The following KCNMA1 variants were observed in gnomAD, a reference collection of about 807,000 sequenced individuals.
KCNMA1 encodes Calcium-activated potassium channel subunit alpha-1.
KCNMA1 carries 29 observed loss-of-function variants against 140.0 expected under a neutral mutation model. The observed-to-expected ratio is 0.21, with a 90% CI of 0.15 to 0.28. The LOEUF (loss-of-function observed/expected upper bound fraction) is 0.28. Among genes scored for constraint, KCNMA1 ranks in the 10% least tolerant of loss-of-function variants. The pLI is 1.00. For missense variants in KCNMA1, 880 were observed against 1,602.2 expected (o/e 0.55, Z 7.70); for synonymous variants, 612 against 611.9 (o/e 1.00, Z 0.00).
chr10:77,035,552 T>C (rs964068595), intron 15 of KCNMA1, among the ~76,000 whole-genome samples: 1 of 152,234 alleles, frequency 6.6e-6, no homozygotes, highest in African/African-American at 2.4e-5. Context: ...AATCTTTTCA[T>C]GCACATATAT....
intron 1 of KCNMA1, among the ~76,000 whole-genome samples, chr10:77,581,728 G>A (rs937407853): frequency 1.2e-4 from 19 of 152,148 alleles, no homozygotes; most frequent in African/African-American, 4.3e-4. Flanking sequence ...TTCCTCTCTC[G>A]GCCACTTCTG....
downstream of KCNMA1, among the ~76,000 whole-genome samples, chr10:76,882,114 G>A (rs1044223706): frequency 2.6e-5 from 4 of 152,200 alleles, no homozygotes; most frequent in African/African-American, 9.7e-5. Context: ...GGCTGACTGA[G>A]CTGCCACCAG....
intron 1 of KCNMA1, among the ~76,000 whole-genome samples, chr10:77,416,737 A>G (rs566073464): frequency 6.6e-6 from 1 of 152,318 alleles, no homozygotes; most frequent in East Asian, 1.9e-4. Context: ...GTCAGGGCAG[A>G]GTCTGCCTGA....
chr10:76,985,182 G>T (rs1259720815), intron 19 of KCNMA1, among the ~76,000 whole-genome samples: 1 of 152,184 alleles, frequency 6.6e-6, no homozygotes, highest in Non-Finnish European at 1.5e-5. Flanking sequence ...CTGAAGTATG[G>T]GTTATATAAA....
chr10:77,608,431 C>A (rs1243396669), intron 1 of KCNMA1, among the ~76,000 whole-genome samples: 1 of 152,196 alleles, frequency 6.6e-6, no homozygotes, highest in Non-Finnish European at 1.5e-5. Flanking sequence ...GCCTTGACCT[C>A]TGAAAGTGCT....
At chr10:77,559,302 C>T in intron 1 of KCNMA1, among the ~76,000 whole-genome samples, 1 of 152,228 alleles carries the variant, frequency 6.6e-6, no homozygotes, top group South Asian at 2.1e-4. Flanking sequence ...ACTACCACCA[C>T]CCAGCCTCTA....
At chr10:77,051,924 G>A (rs1407315687) in intron 14 of KCNMA1, among the ~76,000 whole-genome samples, 1 of 152,328 alleles carries the variant, frequency 6.6e-6, no homozygotes, top group African/African-American at 2.4e-5. Context: ...CAACAGATGA[G>A]CATGTGTTCT....
chr10:77,075,864 T>C (rs2096378989), intron 13 of KCNMA1, among the ~76,000 whole-genome samples: 1 of 152,122 alleles, frequency 6.6e-6, no homozygotes, highest in Admixed American at 6.5e-5. Context: ...TGAAGTAAAT[T>C]GAGTCTGATG....
At chr10:76,956,211 G>T (rs1591867599) in intron 20 of KCNMA1, among the ~76,000 whole-genome samples, 1 of 152,110 alleles carries the variant, frequency 6.6e-6, no homozygotes, top group Non-Finnish European at 1.5e-5. Flanking sequence ...AAGCAAATAA[G>T]CAAGCCTGAT....
chr10:76,946,139 T>C (rs1228741939), intron 22 of KCNMA1, among the ~76,000 whole-genome samples: 1 of 152,124 alleles, frequency 6.6e-6, no homozygotes, highest in African/African-American at 2.4e-5. Context: ...AATGCAAGCA[T>C]AGGGAAAATA....
intron 3 of KCNMA1, among the ~76,000 whole-genome samples, chr10:77,213,358 G>A (rs1374740045): frequency 6.6e-6 from 1 of 152,118 alleles, no homozygotes; most frequent in African/African-American, 2.4e-5. Flanking sequence ...ATCAAAGGCA[G>A]TAGGCGAGGT....
At chr10:76,921,019 C>T (rs1238133826) in intron 23 of KCNMA1, among the ~76,000 whole-genome samples, 1 of 152,100 alleles carries the variant, frequency 6.6e-6, no homozygotes, top group African/African-American at 2.4e-5. Context: ...AATCCCTGAG[C>T]CTTTCCAGGG....
intron 3 of KCNMA1, among the ~76,000 whole-genome samples, chr10:77,248,449 T>C (rs978170277): frequency 5.9e-5 from 9 of 152,206 alleles, no homozygotes; most frequent in Non-Finnish European, 1.2e-4. Flanking sequence ...GGAAAGCCTA[T>C]AGACTGTCCC....
At chr10:76,896,457 A>T (rs1244923227) in intron 25 of KCNMA1, among the ~76,000 whole-genome samples, 1 of 152,190 alleles carries the variant, frequency 6.6e-6, no homozygotes, top group Non-Finnish European at 1.5e-5. Context: ...TTGTGCAGTT[A>T]ACGGAATCAT....
chr10:77,316,699 A>G (rs1040054272), intron 2 of KCNMA1, among the ~76,000 whole-genome samples: 1 of 152,192 alleles, frequency 6.6e-6, no homozygotes, highest in Non-Finnish European at 1.5e-5. Context: ...ATTTTAGGCA[A>G]GTCATTTAAA....
intron 1 of KCNMA1, among the ~76,000 whole-genome samples, chr10:77,535,732 C>G (rs2058738801): frequency 6.6e-6 from 1 of 152,220 alleles, no homozygotes; most frequent in Non-Finnish European, 1.5e-5. Context: ...GGAATTCTGT[C>G]CTTTGCAGTA....
At chr10:76,882,343 G>A (rs1211827588), downstream of KCNMA1, among the ~76,000 whole-genome samples, 1 of 152,194 alleles carries the variant, frequency 6.6e-6, no homozygotes, top group Non-Finnish European at 1.5e-5. Flanking sequence ...AAAAGATGCT[G>A]TTTGGAGAGA....
intron 9 of KCNMA1, among the ~76,000 whole-genome samples, chr10:77,094,125 C>G (rs144499938): frequency 4.5e-4 from 68 of 152,296 alleles, no homozygotes; most frequent in Non-Finnish European, 7.4e-4. Flanking sequence ...CATATGGTAT[C>G]TGTAAATTAG....
intron 5 of KCNMA1, among the ~76,000 whole-genome samples, chr10:77,132,360 C>G (rs1456100974): frequency 6.6e-6 from 1 of 151,858 alleles, no homozygotes; most frequent in Admixed American, 6.6e-5. Flanking sequence ...ACCCAGAAAA[C>G]AGGAATAAAG....
Sources: gnomAD v4.1 joint callset for allele counts (sites outside exome capture counted in the v4.1 genomes callset) on GRCh38, gnomAD v4.1.1 for gene constraint, MANE v1.5 for transcripts, NCBI Gene and HGNC (gene_info 2026-07-23, HGNC 2026-07-21) for gene names.